Variants in ENPEP observed in about 807,000 individuals in gnomAD.
The protein encoded by ENPEP is glutamyl aminopeptidase, also known as AP-A.
In ENPEP, 103 loss-of-function variants were observed where a neutral mutation model predicts 114.5. The ratio of observed to expected loss-of-function variants is 0.90; its 90% CI spans 0.77 to 1.06. ENPEP has a LOEUF of 1.06. Among genes scored for constraint, ENPEP ranks in the 50% least tolerant of loss-of-function variants. The pLI, the probability that ENPEP is intolerant of heterozygous loss-of-function variation, is 0.00. For synonymous variants in ENPEP, 420 were observed against 422.0 expected, an observed-to-expected ratio of 1.00 and a Z score of 0.06; for missense variants, 1,196 against 1,161.3, an observed-to-expected ratio of 1.03 and a Z score of -0.43.
At chr4:110,524,511 CA>C (rs1386264608) in intron 10 of ENPEP, among the ~76,000 whole-genome samples, 1 of 152,122 alleles carries the variant, frequency 6.6e-6, no homozygotes, top group Non-Finnish European at 1.5e-5. Flanking sequence ...TTTCAAAATA[CA>C]AACACCACCA....
intron 18 of ENPEP, among the ~76,000 whole-genome samples, chr4:110,556,980 C>G (rs74828591): frequency 0.02 from 3,051 of 152,088 alleles, 92 homozygotes; most frequent in African/African-American, 0.07. Context: ...AAGAGTCACA[C>G]AAATACATGT....
intron 1 of ENPEP, among the ~76,000 whole-genome samples, chr4:110,487,760 AAT>A (rs57677920): frequency 0.014 from 2,154 of 152,290 alleles, 44 homozygotes; most frequent in African/African-American, 0.05. Context: ...CTTTTACTGT[AAT>A]ATGTTTACAT....
At chr4:110,483,320 G>A (rs770139413) in intron 1 of ENPEP, among the ~76,000 whole-genome samples, 11 of 152,076 alleles carry the variant, frequency 7.2e-5, no homozygotes, top group African/African-American at 1.2e-4. Flanking sequence ...TACCTGTCCC[G>A]AATCAGAAGC....
chr4:110,526,300 C>T (rs1320067521), intron 10 of ENPEP, among the ~76,000 whole-genome samples: 1 of 151,904 alleles, frequency 6.6e-6, no homozygotes, highest in African/African-American at 2.4e-5. Flanking sequence ...AACCCCCCGC[C>T]CCAAAACAGA....
rs3042468 is a variant in ENPEP at position 110,548,139 on chromosome 4, GTTTTTTTTTT to G, written c.2001-21_2001-12del. ...GTCTGTGGTTTTTAATTAACTGTGA[GTTTTTTTTTT>G]TTTTTTTTTTTTTTTGTCTTTCTCA... On this transcript the variant is annotated intron_variant, in intron 13 of 19. Coordinates refer to ENST00000265162, the MANE Select transcript of ENPEP (RefSeq NM_001977.4). 3,205 of 691,352 alleles carry G rather than the reference GTTTTTTTTTT, an allele frequency of 4.6e-3. 1 individual carries two copies. Among genetic ancestry groups the G allele is most frequent in the East Asian group, 0.013 (192 of 15,320 alleles). The allele number at this position is 691,352 out of a possible 1,614,324, so 42.8% of individuals were successfully genotyped here. A position where few individuals can be genotyped will look rare whatever the true frequency, so the allele number is the denominator to read the frequency against.
At chr4:110,553,831 G>C (rs974931437) in intron 18 of ENPEP, among the ~76,000 whole-genome samples, 3 of 151,912 alleles carry the variant, frequency 2.0e-5, no homozygotes, top group African/African-American at 7.2e-5. Flanking sequence ...TATTGGACCT[G>C]GGTTCAAATT....
intron 8 of ENPEP, chr4:110,515,840 C>G (rs1222985733): frequency 4.4e-6 from 2 of 456,020 alleles, no homozygotes; most frequent in South Asian, 1.6e-5. Context: ...TGAAGCCTCT[C>G]TTCCGGGCTT....
chr4:110,526,381 T>G (rs1726198250), intron 10 of ENPEP, among the ~76,000 whole-genome samples: 1 of 152,186 alleles, frequency 6.6e-6, no homozygotes, highest in Non-Finnish European at 1.5e-5. Flanking sequence ...ATTGACCAAG[T>G]GGTTGGCACT....
At chr4:110,487,951 G>T (rs993352585) in intron 1 of ENPEP, among the ~76,000 whole-genome samples, 3 of 152,124 alleles carry the variant, frequency 2.0e-5, no homozygotes, top group African/African-American at 2.4e-5. Context: ...CTAGGACAAA[G>T]GTTACTTCAC....
intron 3 of ENPEP, 106 bp downstream of exon 3, chr4:110,491,270 A>G: frequency 8.7e-7 from 1 of 1,151,260 alleles, no homozygotes; most frequent in South Asian, 1.7e-5. Context: ...CATGCCTGAA[A>G]AGCCCTTTAG....
At chr4:110,553,537 C>A in intron 18 of ENPEP, 82 bp downstream of exon 18, 1 of 1,344,476 alleles carries the variant, frequency 7.4e-7, no homozygotes, top group Non-Finnish European at 1.0e-6. Flanking sequence ...GGGCCACTGT[C>A]TCTGACATCT....
Position 110,553,337 on chromosome 4 carries a change from A to G in ENPEP, c.2524A>G (p.Thr842Ala). The part of the protein sequence containing the change: ...LSRYLDLLKD[T>A]NLIKTQDVFT... The stretch of plus-strand genomic sequence containing the variant: ...TAGGTATTTGGATTTGCTCAAGGAC[A>G]CGAACCTTATTAAAACTCAGGATGT... The change falls in exon 18 of 20, where the codon ACG becomes GCG. Residue 842 changes from threonine to alanine, a missense_variant. Physicochemically the swap from Thr to Ala is moderately conservative, Grantham distance 58 (BLOSUM62 0). Transcript: ENST00000265162. 1.9e-6 allele frequency: 3 copies of G among 1,602,968 alleles called. No individual in the cohort carries two copies. The highest frequency in any genetic ancestry group is 2.6e-6 in the Non-Finnish European group (3 of 1,172,764).
chr4:110,480,976 C>T (rs1198671830), intron 1 of ENPEP, among the ~76,000 whole-genome samples: 1 of 152,166 alleles, frequency 6.6e-6, no homozygotes. Context: ...GTAGGATTTC[C>T]AGCTGTTCCC....
intron 3 of ENPEP, among the ~76,000 whole-genome samples, chr4:110,504,094 C>A (rs2110348422): frequency 6.6e-6 from 1 of 152,300 alleles, no homozygotes; most frequent in Middle Eastern, 3.4e-3. Context: ...CCTTCTGCAG[C>A]CTGGAGGCAG....
intron 13 of ENPEP, among the ~76,000 whole-genome samples, chr4:110,544,189 A>G (rs1398154638): frequency 1.3e-5 from 2 of 152,104 alleles, no homozygotes; most frequent in South Asian, 2.1e-4. Context: ...GTCTTAAGTA[A>G]GTCTCTTAAC....
rs543053762 is a variant in ENPEP, at chr4:110,539,070, G to A, written c.1808-3681G>A. On this transcript the variant is annotated intron_variant, in intron 11 of 19. Transcript: ENST00000265162. ...TCACCCTAACAGATATAATAATAAT[G>A]AAAAAGTTTGAAATATTGCAAGAAT... is the stretch of plus-strand genomic sequence containing the variant. 5.9e-5 allele frequency among the ~76,000 whole-genome samples: 9 copies of A among 152,192 alleles called. No individual in the cohort carries two copies. The South Asian group carries it at 1.9e-3, about 32-fold the overall frequency.
At chr4:110,510,623 A>G (rs1037964440) in intron 6 of ENPEP, among the ~76,000 whole-genome samples, 1 of 152,126 alleles carries the variant, frequency 6.6e-6, no homozygotes, top group Non-Finnish European at 1.5e-5. Context: ...AAAAAAAAAA[A>G]AAACAGGTGG....
chr4:110,544,242 C>A (rs1380322718), intron 13 of ENPEP, among the ~76,000 whole-genome samples: 1 of 151,932 alleles, frequency 6.6e-6, no homozygotes, highest in Non-Finnish European at 1.5e-5. Context: ...TAGAGATGAC[C>A]TTATAAGACT....
chr4:110,560,842 G>T (rs1486215478), intron 19 of ENPEP, among the ~76,000 whole-genome samples: 1 of 152,218 alleles, frequency 6.6e-6, no homozygotes, highest in Non-Finnish European at 1.5e-5. Flanking sequence ...GTTAGATATT[G>T]AATGCTAAGA....
Sources: gnomAD v4.1 joint callset for allele counts (sites outside exome capture counted in the v4.1 genomes callset) on GRCh38, gnomAD v4.1.1 for gene constraint, MANE v1.5 for transcripts, NCBI Gene and HGNC (gene_info 2026-07-23, HGNC 2026-07-21) for gene names.